PTPRD: variants seen among roughly 807,000 people sequenced by gnomAD.
PTPRD encodes receptor-type tyrosine-protein phosphatase delta.
PTPRD carries 34 observed loss-of-function variants against 214.5 expected under a neutral mutation model. The observed-to-expected ratio is 0.16, with a 90% confidence interval of 0.12 to 0.21. The LOEUF is 0.21. PTPRD is among the 10% of genes least tolerant of loss of function. The probability of loss-of-function intolerance (pLI) is 1.00; values close to 1 mark genes in which losing one functional copy is unlikely to be tolerated. For missense variants in PTPRD, 2,545 were observed against 2,398.7 expected, an observed-to-expected ratio of 1.06 and a Z score of -1.27; for synonymous variants, 1,128 against 845.7, an observed-to-expected ratio of 1.33 and a Z score of -5.79.
intron 10 of PTPRD, among the ~76,000 whole-genome samples, chr9:9,093,869 G>T (rs147684937): frequency 6.7e-6 from 1 of 150,372 alleles, no homozygotes; most frequent in African/African-American, 2.4e-5. Flanking sequence ...AGAAGGCAAT[G>T]AAACAAAAAA....
At chr9:10,121,877 G>C (rs1308791107) in intron 3 of PTPRD, among the ~76,000 whole-genome samples, 1 of 152,182 alleles carries the variant, frequency 6.6e-6, no homozygotes, top group African/African-American at 2.4e-5. Flanking sequence ...ACCTCCCAAA[G>C]AATCCCCACT....
chr9:8,534,025 T>G (rs911217011), intron 14 of PTPRD, among the ~76,000 whole-genome samples: 1 of 152,008 alleles, frequency 6.6e-6, no homozygotes, highest in Admixed American at 6.6e-5. Context: ...AGTATTAGAA[T>G]TAGAGACTTA....
At chr9:10,462,563 G>GA (rs150086176) in intron 2 of PTPRD, among the ~76,000 whole-genome samples, 1 of 152,058 alleles carries the variant, frequency 6.6e-6, no homozygotes, top group East Asian at 1.9e-4. Context: ...CAGGACATAA[G>GA]AAAAACTATC....
intron 11 of PTPRD, among the ~76,000 whole-genome samples, chr9:8,779,764 C>T (rs532743732): frequency 6.6e-6 from 1 of 151,016 alleles, no homozygotes; most frequent in East Asian, 1.9e-4. Context: ...CTGCAGTCAG[C>T]AGGGCCCAAG....
intron 11 of PTPRD, among the ~76,000 whole-genome samples, chr9:8,920,878 A>G (rs971347354): frequency 3.3e-5 from 5 of 152,058 alleles, no homozygotes; most frequent in African/African-American, 7.2e-5. Flanking sequence ...CAGTGGTGCA[A>G]TCTCGGCTCA....
chr9:10,368,563 T>C (rs887389214), intron 2 of PTPRD, among the ~76,000 whole-genome samples: 1 of 152,104 alleles, frequency 6.6e-6, no homozygotes, highest in African/African-American at 2.4e-5. Flanking sequence ...AGAGTTTTAA[T>C]GCAGGATACA....
chr9:9,409,269 A>T (rs2074574060), intron 8 of PTPRD, among the ~76,000 whole-genome samples: 1 of 152,012 alleles, frequency 6.6e-6, no homozygotes, highest in South Asian at 2.1e-4. Context: ...AATCTAAAAC[A>T]ATATCCAATA....
At chr9:10,302,442 A>G (rs778158004) in intron 3 of PTPRD, among the ~76,000 whole-genome samples, 1 of 152,128 alleles carries the variant, frequency 6.6e-6, no homozygotes, top group Non-Finnish European at 1.5e-5. Context: ...TAAATGGGCT[A>G]TGCCCCAATT....
At chr9:10,409,996 C>T (rs2098417218) in intron 2 of PTPRD, among the ~76,000 whole-genome samples, 1 of 151,572 alleles carries the variant, frequency 6.6e-6, no homozygotes, top group East Asian at 2.0e-4. Flanking sequence ...ATTCCTGACT[C>T]ACAGAAACTG....
intron 7 of PTPRD, among the ~76,000 whole-genome samples, chr9:9,657,963 A>G (rs1053368170): frequency 6.6e-6 from 1 of 152,154 alleles, no homozygotes; most frequent in Non-Finnish European, 1.5e-5. Flanking sequence ...AGTGGAACTC[A>G]TTTGACTTTT....
At chr9:9,736,104 AT>A (rs1161800696) in intron 6 of PTPRD, among the ~76,000 whole-genome samples, 1 of 152,116 alleles carries the variant, frequency 6.6e-6, no homozygotes, top group East Asian at 1.9e-4. Flanking sequence ...ATTTCAAGTC[AT>A]TTGACTGTGT....
intron 3 of PTPRD, among the ~76,000 whole-genome samples, chr9:10,244,581 T>G (rs767951433): frequency 8.8e-6 from 1 of 113,704 alleles, no homozygotes; most frequent in Non-Finnish European, 2.1e-5. Flanking sequence ...AAATTCCTCT[T>G]GAATTTTGGA....
chr9:8,669,268 C>T (rs892181665), intron 12 of PTPRD, among the ~76,000 whole-genome samples: 3 of 152,058 alleles, frequency 2.0e-5, no homozygotes, highest in African/African-American at 7.2e-5. Context: ...AATATGGCAT[C>T]TTATCTGTTT....
chr9:9,514,173 T>C (rs1013360416), intron 8 of PTPRD, among the ~76,000 whole-genome samples: 1 of 152,060 alleles, frequency 6.6e-6, no homozygotes, highest in Non-Finnish European at 1.5e-5. Context: ...AATTTTTAAA[T>C]TAGGAAGGAA....
At chr9:9,967,457 T>C (rs1168124304) in intron 4 of PTPRD, among the ~76,000 whole-genome samples, 2 of 152,090 alleles carry the variant, frequency 1.3e-5, no homozygotes, top group Non-Finnish European at 2.9e-5. Context: ...GAATCATTGG[T>C]TGAGAGAGGG....
At chr9:8,472,063 T>C (rs10977139) in intron 30 of PTPRD, among the ~76,000 whole-genome samples, 4,893 of 152,236 alleles carry the variant, frequency 0.032, 263 homozygotes, top group African/African-American at 0.11. Context: ...GTATAGCCTA[T>C]AAGGCTACAA....
intron 4 of PTPRD, among the ~76,000 whole-genome samples, chr9:10,033,360 A>T (rs964715840): frequency 2.0e-5 from 3 of 151,890 alleles, no homozygotes; most frequent in Non-Finnish European, 2.9e-5. Flanking sequence ...ATAGCTTCAG[A>T]TCTCTTCGTG....
intron 12 of PTPRD, among the ~76,000 whole-genome samples, chr9:8,679,919 A>G (rs1317117452): frequency 6.6e-6 from 1 of 152,236 alleles, no homozygotes; most frequent in African/African-American, 2.4e-5. Context: ...AATTACCAAT[A>G]TCTTATATTT....
chr9:8,746,777 T>C (rs2092863246), intron 11 of PTPRD, among the ~76,000 whole-genome samples: 1 of 152,142 alleles, frequency 6.6e-6, no homozygotes, highest in South Asian at 2.1e-4. Flanking sequence ...GAGGATCACT[T>C]GAGGTCAAGA....
Sources: gnomAD v4.1 joint callset for allele counts (sites outside exome capture counted in the v4.1 genomes callset) on GRCh38, gnomAD v4.1.1 for gene constraint, MANE v1.5 for transcripts, NCBI Gene and HGNC (gene_info 2026-07-23, HGNC 2026-07-21) for gene names.